MLLT10: variants seen among roughly 807,000 people sequenced by gnomAD.
MLLT10 encodes the protein MLLT10 histone lysine methyltransferase DOT1L cofactor, also known as protein AF-10.
Under a neutral mutation model 129.1 loss-of-function variants are expected in MLLT10, and 30 were observed. The observed-to-expected ratio is 0.23, with a 90% CI of 0.17 to 0.32. The LOEUF (loss-of-function observed/expected upper bound fraction) is 0.32. Ranked by LOEUF, MLLT10 falls within the 10% of genes least tolerant of loss-of-function variation. MLLT10 has a pLI of 1.00. For missense variants in MLLT10, 1,119 were observed against 1,268.3 expected (o/e 0.88, Z 1.79); for synonymous variants, 490 against 446.4 (o/e 1.10, Z -1.23).
chr10:21,720,718 A>G (rs2057070899), intron 14 of MLLT10, among the ~76,000 whole-genome samples: 1 of 152,246 alleles, frequency 6.6e-6, no homozygotes, highest in South Asian at 2.1e-4. Flanking sequence ...TCTTTGAAAT[A>G]TAGCCACAGT....
chr10:21,593,785 C>G (rs141188423), intron 4 of MLLT10, among the ~76,000 whole-genome samples: 1 of 151,374 alleles, frequency 6.6e-6, no homozygotes, highest in Non-Finnish European at 1.5e-5. Flanking sequence ...AAATTAGCCC[C>G]GTGTGGTGGT....
intron 13 of MLLT10, among the ~76,000 whole-genome samples, chr10:21,695,958 T>G (rs1473353403): frequency 1.3e-5 from 2 of 150,912 alleles, no homozygotes; most frequent in Non-Finnish European, 3.0e-5. Context: ...GGGTTTTTTT[T>G]TTTTTTTTTT....
intron 16 of MLLT10, among the ~76,000 whole-genome samples, chr10:21,728,251 C>G (rs1378898869): frequency 6.6e-6 from 1 of 152,152 alleles, no homozygotes; most frequent in Admixed American, 6.5e-5. Context: ...AGACCCAAGA[C>G]TTTCAAGTTT....
intron 8 of MLLT10, among the ~76,000 whole-genome samples, chr10:21,621,937 T>TA (rs2045902286): frequency 6.6e-6 from 1 of 152,318 alleles, no homozygotes; most frequent in South Asian, 2.1e-4. Flanking sequence ...CCAAATTATT[T>TA]AAAAATGAAA....
At chr10:21,538,314 C>T (rs1022308391) in intron 2 of MLLT10, among the ~76,000 whole-genome samples, 4 of 152,048 alleles carry the variant, frequency 2.6e-5, no homozygotes, top group African/African-American at 9.7e-5. Flanking sequence ...CAGGCATGTG[C>T]CACCACGCCT....
chr10:21,533,884 C>A (rs993648699), upstream of MLLT10, among the ~76,000 whole-genome samples: 3 of 152,222 alleles, frequency 2.0e-5, no homozygotes, highest in Non-Finnish European at 2.9e-5. Flanking sequence ...GGGGACTCCC[C>A]TCTGGCGATT....
At chr10:21,704,016 GTTTTTTTTT>G (rs60982595) in intron 13 of MLLT10, among the ~76,000 whole-genome samples, 6 of 56,616 alleles carry the variant, frequency 1.1e-4, no homozygotes, top group East Asian at 1.2e-3. Flanking sequence ...ATTGTTTTTT[GTTTTTTTTT>G]TTTTTTTTTT....
chr10:21,742,339 A>G lies in MLLT10; in HGVS notation c.*356A>G, dbSNP rs1029158272. The G allele has an allele frequency of 7.9e-6, 2 of 253,732 alleles. No individual in the cohort carries two copies. The highest frequency in any genetic ancestry group is 5.5e-5 in the Admixed American group (1 of 18,326). The allele number at this position is 253,732 out of a possible 1,614,324, so 15.7% of individuals were successfully genotyped here. ...TTATAAATTGGAGATGCAAATAGCA[A>G]AACTAAATACTTGCTCCATTTACAA... On this transcript the variant is annotated 3_prime_UTR_variant, in exon 23 of 23. Transcript: ENST00000307729.
intron 3 of MLLT10, among the ~76,000 whole-genome samples, chr10:21,544,659 G>T (rs1025035644): frequency 6.6e-6 from 1 of 152,166 alleles, no homozygotes; most frequent in Admixed American, 6.6e-5. Flanking sequence ...GCATTTTGAA[G>T]TATGAAATGA....
At chr10:21,542,536 C>T (rs1020688476) in intron 3 of MLLT10, among the ~76,000 whole-genome samples, 1 of 152,216 alleles carries the variant, frequency 6.6e-6, no homozygotes, top group African/African-American at 2.4e-5. Flanking sequence ...TGCCATTGCA[C>T]TCCATCTTGG....
intron 11 of MLLT10, among the ~76,000 whole-genome samples, chr10:21,680,759 G>A (rs975995057): frequency 6.6e-6 from 1 of 152,028 alleles, no homozygotes; most frequent in African/African-American, 2.4e-5. Context: ...ATCACTTGAG[G>A]TCAGGAGTTC....
chr10:21,539,216 A>G (rs187478564), intron 3 of MLLT10, among the ~76,000 whole-genome samples: 8 of 152,352 alleles, frequency 5.3e-5, no homozygotes, highest in Admixed American at 4.6e-4. Context: ...CTGGCTAATC[A>G]TAGTTAAAAT....
intron 5 of MLLT10, among the ~76,000 whole-genome samples, chr10:21,610,719 G>C (rs1049694921): frequency 6.6e-6 from 1 of 151,168 alleles, no homozygotes; most frequent in African/African-American, 2.4e-5. Context: ...AGTTACTGAG[G>C]TATTTGAGGC....
At chr10:21,672,267 G>A (rs373421410) in intron 10 of MLLT10, among the ~76,000 whole-genome samples, 13 of 150,728 alleles carry the variant, frequency 8.6e-5, no homozygotes, top group East Asian at 5.9e-4. Flanking sequence ...ATGTGATCAC[G>A]GCTCACTGCA....
intron 11 of MLLT10, among the ~76,000 whole-genome samples, chr10:21,674,483 G>A (rs1389296501): frequency 6.6e-6 from 1 of 152,068 alleles, no homozygotes; most frequent in East Asian, 1.9e-4. Context: ...TGATTTAATT[G>A]TGTTTTCAAA....
At chr10:21,691,032 A>C (rs959823230) in intron 13 of MLLT10, among the ~76,000 whole-genome samples, 3 of 152,196 alleles carry the variant, frequency 2.0e-5, no homozygotes, top group Admixed American at 2.0e-4. Flanking sequence ...AATGTTGCTT[A>C]TCTTATTCTT....
intron 9 of MLLT10, among the ~76,000 whole-genome samples, chr10:21,657,504 A>G (rs1001241519): frequency 6.6e-6 from 1 of 152,008 alleles, no homozygotes; most frequent in African/African-American, 2.4e-5. Flanking sequence ...CTTATAAGCC[A>G]CAGTTCTCTT....
intron 3 of MLLT10, among the ~76,000 whole-genome samples, chr10:21,544,112 T>C (rs2035684195): frequency 6.6e-6 from 1 of 152,226 alleles, no homozygotes; most frequent in Non-Finnish European, 1.5e-5. Flanking sequence ...GATATTATTC[T>C]TACTTTATGG....
intron 3 of MLLT10, among the ~76,000 whole-genome samples, chr10:21,583,597 A>G (rs1343706471): frequency 6.6e-6 from 1 of 152,098 alleles, no homozygotes; most frequent in African/African-American, 2.4e-5. Context: ...TGGGCTGAGG[A>G]AACTTTTACT....
Sources: allele counts gnomAD v4.1 joint callset (sites outside exome capture counted in the v4.1 genomes callset), GRCh38; gene constraint gnomAD v4.1.1; transcripts MANE v1.5; gene names NCBI Gene and HGNC (gene_info 2026-07-23, HGNC 2026-07-21).